ADTRP: variants seen among roughly 807,000 people sequenced by gnomAD.
The protein encoded by ADTRP is androgen dependent TFPI regulating protein.
In ADTRP, 20 loss-of-function variants were observed where a neutral mutation model predicts 27.0. The observed-to-expected ratio is 0.74, with a 90% CI of 0.52 to 1.08. The LOEUF is 1.08. Ranked by LOEUF, ADTRP falls within the 50% of genes least tolerant of loss-of-function variation. The pLI, the probability that ADTRP is intolerant of heterozygous loss-of-function variation, is 0.00. For missense variants in ADTRP, 251 were observed against 275.0 expected (o/e 0.91, Z 0.62); for synonymous variants, 101 against 105.2 (o/e 0.96, Z 0.25).
intron 5 of ADTRP, among the ~76,000 whole-genome samples, chr6:11,722,144 T>C (rs1762041495): frequency 1.3e-5 from 2 of 152,086 alleles, no homozygotes; most frequent in Non-Finnish European, 2.9e-5. Flanking sequence ...TTTTTTTTTT[T>C]GCGATAATTT....
At chr6:11,738,894 G>C (rs6911562) in intron 3 of ADTRP, among the ~76,000 whole-genome samples, 2 of 152,068 alleles carry the variant, frequency 1.3e-5, no homozygotes, top group African/African-American at 4.8e-5. Flanking sequence ...CGGGGCTGGG[G>C]TAGGAAGTAG....
intron 3 of ADTRP, among the ~76,000 whole-genome samples, chr6:11,736,922 A>G (rs1237367962): frequency 1.3e-5 from 2 of 151,830 alleles, no homozygotes; most frequent in Non-Finnish European, 2.9e-5. Flanking sequence ...TGAAACCCCT[A>G]TGTCCTCCCC....
At chr6:11,736,944 C>A (rs1295393624) in intron 3 of ADTRP, among the ~76,000 whole-genome samples, 1 of 152,088 alleles carries the variant, frequency 6.6e-6, no homozygotes, top group Non-Finnish European at 1.5e-5. Context: ...TCCTTCCCTG[C>A]ATCACCCCCT....
intron 4 of ADTRP, among the ~76,000 whole-genome samples, chr6:11,729,663 T>C (rs970564128): frequency 6.6e-6 from 1 of 152,172 alleles, no homozygotes; most frequent in Admixed American, 6.5e-5. Flanking sequence ...TGGAAATTCC[T>C]CCAGGCAGGT....
At chr6:11,750,422 T>C (rs191626904) in intron 3 of ADTRP, among the ~76,000 whole-genome samples, 126 of 152,342 alleles carry the variant, frequency 8.3e-4, no homozygotes, top group African/African-American at 2.9e-3. Flanking sequence ...CCTGGGTGCA[T>C]TAAAACCCAA....
chr6:11,762,300 C>T (rs866261856), intron 3 of ADTRP, among the ~76,000 whole-genome samples: 2 of 152,316 alleles, frequency 1.3e-5, no homozygotes, highest in East Asian at 1.9e-4. Flanking sequence ...CATGTCCCTC[C>T]GCCTAACACC....
chr6:11,766,165 G>T, intron 3 of ADTRP, 109 bp downstream of exon 3: 1 of 761,774 alleles, frequency 1.3e-6, no homozygotes, highest in Non-Finnish European at 2.1e-6. Flanking sequence ...TGATGAGGTA[G>T]ATTGGATGCT....
chr6:11,746,597 T>C (rs1210716188), intron 3 of ADTRP, among the ~76,000 whole-genome samples: 1 of 151,996 alleles, frequency 6.6e-6, no homozygotes, highest in Non-Finnish European at 1.5e-5. Context: ...ATTTAAGAAA[T>C]AGGCAAAACA....
intron 5 of ADTRP, among the ~76,000 whole-genome samples, chr6:11,719,580 T>C (rs921396726): frequency 1.3e-5 from 2 of 152,058 alleles, no homozygotes; most frequent in Non-Finnish European, 2.9e-5. Flanking sequence ...TACTGTCACA[T>C]TGAATGGGTC....
chr6:11,716,826 C>T (rs1437768349), intron 5 of ADTRP, among the ~76,000 whole-genome samples: 6 of 150,618 alleles, frequency 4.0e-5, no homozygotes, highest in African/African-American at 1.5e-4. Flanking sequence ...GTGTTTCTCC[C>T]ACCTCTCAGC....
At position 11,735,604 on chromosome 6, in the gene ADTRP, G is replaced by A. The variant is rs574196303; in HGVS notation, c.470C>T (p.Thr157Ile). 1.9e-6 allele frequency: 3 copies of A among 1,614,076 alleles called. No homozygotes were observed. Among genetic ancestry groups the A allele is most frequent in the African/African-American group, 2.7e-5 (2 of 75,046 alleles). Residue 157 changes from threonine to isoleucine, a missense_variant, in exon 4 of 6, where the codon ACC (threonine) becomes ATC (isoleucine). Physicochemically the swap from Thr to Ile is moderately conservative, Grantham distance 89 (BLOSUM62 -1). Coordinates refer to ENST00000414691, the MANE Select transcript of ADTRP (RefSeq NM_032744.4). ...HSYPSKKTGL[T>I]LLAAASIAYI... ...AGCAATGCTGGCAGCAGCCAGCAAGGTGAGTCCTGTCTTCTTTGATGGATA... is the reference window on the plus strand; with the variant it reads ...AGCAATGCTGGCAGCAGCCAGCAAGATGAGTCCTGTCTTCTTTGATGGATA...
intron 5 of ADTRP, among the ~76,000 whole-genome samples, chr6:11,717,678 G>A (rs1393436803): frequency 6.6e-6 from 1 of 152,236 alleles, no homozygotes; most frequent in Non-Finnish European, 1.5e-5. Flanking sequence ...TTAGAGAAAT[G>A]AGATCTGAGC....
At chr6:11,766,530 T>C (rs1185080295) in intron 2 of ADTRP, among the ~76,000 whole-genome samples, 155 bp from the exon 3 acceptor site, 1 of 152,252 alleles carries the variant, frequency 6.6e-6, no homozygotes, top group Non-Finnish European at 1.5e-5. Flanking sequence ...TACATTACAG[T>C]AATTCTACAA....
At chr6:11,720,485 T>C (rs111442219) in intron 5 of ADTRP, among the ~76,000 whole-genome samples, 3,138 of 151,906 alleles carry the variant, frequency 0.021, 128 homozygotes, top group African/African-American at 0.071. Context: ...CTTTTCTTTT[T>C]TTTTGAGATG....
chr6:11,737,714 C>T (rs1209582828), intron 3 of ADTRP, among the ~76,000 whole-genome samples: 2 of 152,146 alleles, frequency 1.3e-5, no homozygotes, highest in Non-Finnish European at 2.9e-5. Context: ...AGCACCTGGG[C>T]ATCTCAAGGG....
chr6:11,717,483 C>G, intron 5 of ADTRP: 3 of 1,228,158 alleles, frequency 2.4e-6, no homozygotes, highest in Non-Finnish European at 2.1e-6. Flanking sequence ...AATTATATGC[C>G]TTATTATTCC....
intron 3 of ADTRP, among the ~76,000 whole-genome samples, chr6:11,758,826 G>T (rs1004359398): frequency 6.6e-6 from 1 of 152,142 alleles, no homozygotes; most frequent in African/African-American, 2.4e-5. Context: ...GTGGGGCAAG[G>T]TGGGGCATTG....
At chr6:11,767,283 A>G (rs1763606065) in intron 2 of ADTRP, among the ~76,000 whole-genome samples, 2 of 152,152 alleles carry the variant, frequency 1.3e-5, no homozygotes, top group South Asian at 4.1e-4. Context: ...CAGTGAATCG[A>G]GATCACACCA....
At position 11,735,680 on chromosome 6, in the gene ADTRP, T is replaced by A. The variant is rs143155143; in HGVS notation, c.394A>T (p.Thr132Ser). 13 of 1,610,482 alleles carry A rather than the reference T, an allele frequency of 8.1e-6. No individual in the cohort carries two copies. In the African/African-American group the frequency reaches 1.6e-4, roughly 20 times the overall value. Residue 132 changes from threonine to serine, a missense_variant, in exon 4 of 6, where the codon ACT becomes TCT. Physicochemically the swap from Thr to Ser is moderately conservative, Grantham distance 58. Coordinates refer to ENST00000414691, the MANE Select transcript of ADTRP (RefSeq NM_032744.4). The stretch of plus-strand genomic sequence containing the variant: ...GCCAATGTGATGGGGAATATGAAAG[T>A]GTGCTGCAGGAGAGAAAATGGCAAA... ...IPVWLNHAMH[T>S]FIFPITLAEV...
Sources: allele counts gnomAD v4.1 joint callset (sites outside exome capture counted in the v4.1 genomes callset), GRCh38; gene constraint gnomAD v4.1.1; transcripts MANE v1.5; gene names NCBI Gene and HGNC (gene_info 2026-07-23, HGNC 2026-07-21).